Variants in ENAH observed in about 807,000 individuals in gnomAD.
ENAH encodes protein enabled homolog.
A neutral mutation model predicts 78.7 loss-of-function variants in ENAH; 23 were observed. The ratio of observed to expected loss-of-function variants is 0.29; its 90% CI spans 0.21 to 0.41. The LOEUF (loss-of-function observed/expected upper bound fraction) is 0.41, where lower values mean the gene tolerates loss of function less well. Ranked by LOEUF, ENAH falls within the 10% of genes least tolerant of loss-of-function variation. ENAH has a pLI of 1.00. For synonymous variants in ENAH, 226 were observed against 241.0 expected (o/e 0.94, Z 0.58); for missense variants, 544 against 691.0 (o/e 0.79, Z 2.39).
chr1:225,497,954 T>A, intron 13 of ENAH, 142 bp from the exon 14 acceptor site: 1 of 638,306 alleles, frequency 1.6e-6, no homozygotes, highest in Non-Finnish European at 2.7e-6. Flanking sequence ...ATTGCACACA[T>A]CTTTAATATT....
At chr1:225,629,701 G>A (rs934815118) in intron 1 of ENAH, among the ~76,000 whole-genome samples, 1 of 151,982 alleles carries the variant, frequency 6.6e-6, no homozygotes, top group Non-Finnish European at 1.5e-5. Flanking sequence ...AGCAGAGTCT[G>A]CAAAAACTCA....
At chr1:225,499,733 C>T (rs772443627) in intron 12 of ENAH, among the ~76,000 whole-genome samples, 19 of 152,218 alleles carry the variant, frequency 1.2e-4, no homozygotes, top group Middle Eastern at 3.4e-3. Flanking sequence ...GGTCCCATGA[C>T]AAAGTGACAC....
Position 225,514,803 on chromosome 1 carries a change from AGGGGGCCCTGGGGGAGGAGGGAGG to A in ENAH, c.987_1010del (p.Leu330_Pro337del). The A allele has an allele frequency of 3.8e-6, 3 of 797,234 alleles. No homozygotes were observed. The highest frequency in any genetic ancestry group is 4.5e-6 in the Non-Finnish European group (3 of 664,266). The allele number at this position is 797,234 out of a possible 1,614,324, so 49.4% of individuals were successfully genotyped here. A position where few individuals can be genotyped will look rare whatever the true frequency, so the allele number is the denominator to read the frequency against. ...CGGTGGATGGGAGTGGAGGAGGTGG[AGGGGGCCCTGGGGGAGGAGGGAGG>A]GCTACTGAAGCCTGTGCAGGCCCTG... On this transcript the variant is annotated inframe_deletion, in exon 7 of 14. Coordinates refer to ENST00000366843, the MANE Select transcript of ENAH (RefSeq NM_018212.6).
At position 225,652,808 on chromosome 1, in the gene ENAH, G is replaced by C. The variant is rs1310844988; in HGVS notation, c.-118C>G. The C allele has an allele frequency of 8.0e-6, 7 of 877,396 alleles. No individual in the cohort carries two copies. The highest frequency in any genetic ancestry group is 1.7e-5 in the African/African-American group (1 of 57,502). 54.4% of individuals were successfully genotyped at this position (877,396 alleles called of 1,614,324 possible). On this transcript the variant is annotated 5_prime_UTR_variant, in exon 1 of 14. Transcript: ENST00000366843. ...CTCGGAGACGGGAGACAAGTGTCCG[G>C]CTCCTCCTTCGGCGGCCAGGGGGCT...
chr1:225,588,664 T>C (rs1575624529), intron 1 of ENAH, among the ~76,000 whole-genome samples: 1 of 151,888 alleles, frequency 6.6e-6, no homozygotes, highest in Admixed American at 6.6e-5. Flanking sequence ...AAAAATTAGC[T>C]GGGCTTGGTG....
intron 1 of ENAH, among the ~76,000 whole-genome samples, chr1:225,579,399 T>C (rs2096803484): frequency 6.6e-6 from 1 of 152,236 alleles, no homozygotes; most frequent in South Asian, 2.1e-4. Context: ...TTACTGAAGA[T>C]ACAATGTTAA....
At chr1:225,547,078 GTT>G (rs397968121) in intron 3 of ENAH, among the ~76,000 whole-genome samples, 2 of 145,050 alleles carry the variant, frequency 1.4e-5, no homozygotes. Context: ...TTTTTGTTTT[GTT>G]TTTTTTTTTG....
intron 1 of ENAH, among the ~76,000 whole-genome samples, chr1:225,648,331 T>C (rs1297807344): frequency 6.6e-6 from 1 of 152,196 alleles, no homozygotes; most frequent in Non-Finnish European, 1.5e-5. Flanking sequence ...TGATACAGAC[T>C]AGATATTTTA....
At chr1:225,653,534 C>T (rs535536736), upstream of ENAH, among the ~76,000 whole-genome samples, 6 of 151,776 alleles carry the variant, frequency 4.0e-5, no homozygotes, top group South Asian at 1.2e-3. This position sits in a 1 kb window ranked among gnomAD's most constrained non-coding sequence, Gnocchi z 4.3. Context: ...TGGGGAGCTC[C>T]GAGGCCTCCC....
At position 225,514,644 on chromosome 1, in the gene ENAH, A is replaced by G. The variant is rs780101870; in HGVS notation, c.1170T>C (p.Thr390=). 8.8e-6 allele frequency: 14 copies of G among 1,594,586 alleles called. No homozygotes were observed. Among genetic ancestry groups the G allele is most frequent in the Non-Finnish European group, 1.2e-5 (14 of 1,168,458 alleles). The change falls in exon 7 of 14, where the codon ACT becomes ACC. Residue 390 remains threonine (T), a synonymous_variant. Coordinates refer to ENST00000366843, the MANE Select transcript of ENAH (RefSeq NM_018212.6). ...CTCCGGCAATTGCAGCTGCAAGTCC[A>G]GTTAAAGGGCGATTGTCTTCTGACA... The part of the protein sequence containing the change: ...ASMSEDNRPL[T]GLAAAIAGAK...
chr1:225,541,429 A>G (rs552803200), intron 3 of ENAH, among the ~76,000 whole-genome samples: 2 of 152,124 alleles, frequency 1.3e-5, no homozygotes, highest in East Asian at 3.9e-4. Flanking sequence ...AGTGAGACTC[A>G]GTCTCAAAAA....
At chr1:225,517,538 G>A (rs1384218816) in intron 5 of ENAH, 4 of 1,551,616 alleles carry the variant, frequency 2.6e-6, no homozygotes, top group Non-Finnish European at 1.7e-6. Context: ...TGGGGCACAG[G>A]AGAAGAAACA....
intron 1 of ENAH, among the ~76,000 whole-genome samples, chr1:225,585,729 C>A (rs981897064): frequency 6.6e-6 from 1 of 151,792 alleles, no homozygotes; most frequent in Admixed American, 6.6e-5. Flanking sequence ...GCTGAGGCTG[C>A]AGTGAAGCAT....
chr1:225,541,396 C>T (rs1313623357), intron 3 of ENAH, among the ~76,000 whole-genome samples: 2 of 151,996 alleles, frequency 1.3e-5, no homozygotes, highest in African/African-American at 4.8e-5. Flanking sequence ...GATCGCGCCA[C>T]TGTACTCCAG....
chr1:225,542,766 A>G (rs1480065379), intron 3 of ENAH, among the ~76,000 whole-genome samples: 1 of 152,196 alleles, frequency 6.6e-6, no homozygotes, highest in African/African-American at 2.4e-5. Context: ...CATGCCTGTA[A>G]TCCCAACACT....
intron 1 of ENAH, among the ~76,000 whole-genome samples, chr1:225,588,221 C>A (rs1175790066): frequency 1.3e-5 from 2 of 152,076 alleles, no homozygotes; most frequent in African/African-American, 4.8e-5. Flanking sequence ...AGAATGCATA[C>A]ATAGGCAAGG....
intron 11 of ENAH, among the ~76,000 whole-genome samples, chr1:225,503,858 C>T (rs2096304178): frequency 6.6e-6 from 1 of 151,996 alleles, no homozygotes; most frequent in South Asian, 2.1e-4. Context: ...ACTATGAACA[C>T]CACTTAATTC....
At chr1:225,526,762 T>C (rs1375350998) in intron 4 of ENAH, among the ~76,000 whole-genome samples, 3 of 152,222 alleles carry the variant, frequency 2.0e-5, no homozygotes, top group Admixed American at 1.3e-4. Flanking sequence ...AAATATATTC[T>C]CCTAGTTCTC....
intron 1 of ENAH, among the ~76,000 whole-genome samples, chr1:225,648,177 T>C (rs1662320610): frequency 6.6e-6 from 1 of 152,100 alleles, no homozygotes; most frequent in East Asian, 1.9e-4. Context: ...TCCACTTAAT[T>C]CCATTCATCA....
Sources: allele counts gnomAD v4.1 joint callset (sites outside exome capture counted in the v4.1 genomes callset), GRCh38; gene constraint gnomAD v4.1.1; non-coding constraint Gnocchi (gnomAD v3.1); transcripts MANE v1.5; gene names NCBI Gene and HGNC (gene_info 2026-07-23, HGNC 2026-07-21).